DSCAML1: variants seen among roughly 807,000 people sequenced by gnomAD.
DSCAML1 encodes cell adhesion molecule DSCAML1.
A neutral mutation model predicts 200.5 loss-of-function variants in DSCAML1; 38 were observed. The observed-to-expected ratio is 0.19, with a 90% CI of 0.15 to 0.25. The LOEUF (loss-of-function observed/expected upper bound fraction) is 0.25. DSCAML1 is among the 10% of genes least tolerant of loss of function. The pLI is 1.00. For missense variants in DSCAML1, 2,223 were observed against 2,858.8 expected, an observed-to-expected ratio of 0.78 and a Z score of 5.07; for synonymous variants, 1,215 against 1,165.0, an observed-to-expected ratio of 1.04 and a Z score of -0.87.
chr11:117,428,702 T>A lies in DSCAML1; in HGVS notation c.5788A>T (p.Ile1930Phe). Residue 1930 changes from isoleucine to phenylalanine, a missense_variant, in exon 33 of 33, where the codon ATC becomes TTC. This residue lies in a region of DSCAML1 where 280 missense variants were observed against 213.4 expected (regional missense o/e 1.31). Transcript: ENST00000651296. ...CPVVPPREAS[I>F]RNLARTYHTQ... ...TGGTAGGTTCGAGCCAGGTTCCGGA[T>A]GGAGGCCTCACGGGGTGGGACCACG... 1 of 1,613,200 alleles carries A rather than the reference T, an allele frequency of 6.2e-7. No homozygotes were observed. The highest frequency in any genetic ancestry group is 1.1e-5 in the South Asian group (1 of 90,726).
intron 8 of DSCAML1, among the ~76,000 whole-genome samples, chr11:117,512,548 A>AAAAC (rs1423802387): frequency 6.6e-6 from 1 of 152,072 alleles, no homozygotes. Context: ...GTCCAGAGAG[A>AAAAC]AAACAGGTGA....
intron 3 of DSCAML1, among the ~76,000 whole-genome samples, chr11:117,756,885 G>C (rs1367963023): frequency 6.6e-6 from 1 of 152,166 alleles, no homozygotes. Flanking sequence ...TGGCTCCCTG[G>C]ATGAACTCAG....
At chr11:117,757,293 C>G (rs953019365) in intron 3 of DSCAML1, among the ~76,000 whole-genome samples, 3 of 152,130 alleles carry the variant, frequency 2.0e-5, no homozygotes, top group Non-Finnish European at 4.4e-5. Context: ...AGCCAGAAAT[C>G]ATCTCTAATC....
intron 3 of DSCAML1, among the ~76,000 whole-genome samples, chr11:117,759,063 G>T (rs1020450573): frequency 3.9e-5 from 6 of 152,120 alleles, no homozygotes. Flanking sequence ...GATACTTCTA[G>T]ACCTTAGAGG....
intron 3 of DSCAML1, among the ~76,000 whole-genome samples, chr11:117,699,135 GC>G (rs1220686403): frequency 1.3e-5 from 2 of 152,142 alleles, no homozygotes; most frequent in African/African-American, 4.8e-5. Context: ...AGAGAGGCTG[GC>G]CCTGGTGACA....
At chr11:117,812,611 T>A (rs1278688269) in intron 1 of DSCAML1, among the ~76,000 whole-genome samples, 7 of 151,924 alleles carry the variant, frequency 4.6e-5, no homozygotes, top group Non-Finnish European at 1.0e-4. Context: ...GCTCAGCAAA[T>A]TACCTGGGCT....
At chr11:117,593,124 GTGAGGGGCATA>G (rs1245225272) in intron 3 of DSCAML1, among the ~76,000 whole-genome samples, 4 of 152,218 alleles carry the variant, frequency 2.6e-5, no homozygotes, top group African/African-American at 9.7e-5. Flanking sequence ...AAAGGGGGCA[GTGAGGGGCATA>G]GGCCCAGCTC....
intron 3 of DSCAML1, among the ~76,000 whole-genome samples, chr11:117,684,444 A>C (rs1256377957): frequency 2.7e-5 from 4 of 148,942 alleles, no homozygotes; most frequent in Non-Finnish European, 4.5e-5. Context: ...CTAAAAAAAA[A>C]AAAAAAAAAA....
Position 117,712,840 on chromosome 11 carries a change from T to C in DSCAML1, c.511+63951A>G, listed in dbSNP as rs151229013. On this transcript the variant is annotated intron_variant, in intron 3 of 32. Transcript: ENST00000651296. ...CTTCCGCTCCTCCTTGGGTACCTTA[T>C]GTCTTCCCCCCGCCTCTCTCCCCAC... Among the ~76,000 whole-genome samples the C allele has an allele frequency of 1.2e-3, 176 of 152,192 alleles. 5 individuals carry two copies. The East Asian group carries it at 0.024, about 21-fold the overall frequency.
chr11:117,438,893 G>A lies in DSCAML1; in HGVS notation c.4235C>T (p.Ser1412Phe), dbSNP rs368420277. The stretch of plus-strand genomic sequence containing the variant: ...TCCAGACCCCTCCTCACCTCGGATG[G>A]AGCTGCCCCCATTGTCACCTGGAAT... ...TWIPGDNGGS[S>F]IRGFVLQYSV... Residue 1412 changes from serine (S) to phenylalanine (F), a missense_variant, in exon 24 of 33, where the codon TCC (serine) becomes TTC (phenylalanine). This residue lies in a region of DSCAML1 where 614 missense variants were observed against 739.1 expected (regional missense o/e 0.83). Transcript: ENST00000651296. 2.0e-5 allele frequency: 32 copies of A among 1,600,650 alleles called. No individual in the cohort carries two copies. Among genetic ancestry groups the A allele is most frequent in the Non-Finnish European group, 2.6e-5 (31 of 1,175,188 alleles).
intron 3 of DSCAML1, among the ~76,000 whole-genome samples, chr11:117,710,694 T>C (rs1027230276): frequency 1.3e-5 from 2 of 152,246 alleles, no homozygotes; most frequent in African/African-American, 4.8e-5. Context: ...AAATGAGCTA[T>C]GTAAAGCACT....
Position 117,437,249 on chromosome 11 carries a change from G to A in DSCAML1, c.4593C>T (p.Asn1531=), listed in dbSNP as rs777963250. Residue 1531 remains asparagine, a synonymous_variant, in exon 26 of 33, where the codon AAC becomes AAT. Coordinates refer to ENST00000651296, the MANE Select transcript of DSCAML1 (RefSeq NM_020693.4). This position sits in a 1 kb window ranked among gnomAD's most constrained non-coding sequence, Gnocchi z 5.3. ...CCGTCAGAAACACCTCCCCGGAGCT[G>A]TTGGCCCGGAGGCCCTGCCAGGCCC... is the stretch of plus-strand genomic sequence containing the variant. The part of the protein sequence containing the change: ...GTWAWQGLRA[N]SSGEVFLTEL... 4.3e-6 allele frequency: 7 copies of A among 1,614,234 alleles called. No homozygotes were observed. The South Asian group carries it at 4.4e-5, about 10-fold the overall frequency.
chr11:117,563,562 C>T (rs2050702517), intron 3 of DSCAML1, among the ~76,000 whole-genome samples: 2 of 152,182 alleles, frequency 1.3e-5, no homozygotes, highest in Admixed American at 6.5e-5. Flanking sequence ...TGTCATTAGG[C>T]CTTGTTCCCC....
chr11:117,809,165 C>T (rs1246113283), intron 1 of DSCAML1, among the ~76,000 whole-genome samples: 1 of 152,246 alleles, frequency 6.6e-6, no homozygotes, highest in Non-Finnish European at 1.5e-5. Flanking sequence ...GAGGCGACCT[C>T]AGGAGTTTGC....
rs747142865 is a variant in DSCAML1 at position 117,438,981 on chromosome 11, G to C, written c.4147C>G (p.Pro1383Ala). 1.9e-6 allele frequency: 3 copies of C among 1,601,564 alleles called. No individual in the cohort carries two copies. In the South Asian group the frequency reaches 3.4e-5, roughly 18 times the overall value. Residue 1383 changes from proline (P) to alanine (A), a missense_variant and splice_region_variant, in exon 24 of 33, where the codon CCC becomes GCC. Pro to Ala is a conservative substitution (Grantham distance 27, BLOSUM62 -1). Around this residue, in one of 7 missense-constraint regions of DSCAML1, gnomAD observed 614 missense variants for 739.1 expected, o/e 0.83. Transcript: ENST00000651296. ...TIIVNLLVQVPPDQPRLTVSK... is the reference protein window; with the variant it reads ...TIIVNLLVQVAPDQPRLTVSK... ...ACAGTGAGGCGGGGCTGGTCCGGGG[G>C]AACTGTGAGGGGAAAGCCACCACCC...
rs776462433 is a variant in DSCAML1 at position 117,480,543 on chromosome 11, G to T, written c.2685C>A (p.Ile895=). ...QEPPDPPELE[I]REVKARSMNL... ...TCATGCTCCGGGCCTTCACCTCCCG[G>T]ATCTCCAGCTCTGGGGGGTCGGGGG... Residue 895 remains isoleucine (I), a synonymous_variant, in exon 14 of 33, where the codon ATC becomes ATA. Transcript: ENST00000651296. The surrounding 1 kb of genome is among the most constrained non-coding windows in gnomAD (Gnocchi z 4.1). 6.3e-7 allele frequency: 1 copy of T among 1,577,608 alleles called. No homozygotes were observed. The highest frequency in any genetic ancestry group is 1.2e-5 in the South Asian group (1 of 86,268).
chr11:117,618,399 CCTTTGGAGAATAAGT>C (rs2051855985), intron 3 of DSCAML1, among the ~76,000 whole-genome samples: 1 of 152,112 alleles, frequency 6.6e-6, no homozygotes, highest in Non-Finnish European at 1.5e-5. Flanking sequence ...CTGGTTCTAC[CCTTTGGAGAATAAGT>C]GAATTCCTTC....
At chr11:117,732,607 G>A (rs1255935880) in intron 3 of DSCAML1, among the ~76,000 whole-genome samples, 1 of 152,124 alleles carries the variant, frequency 6.6e-6, no homozygotes, top group Non-Finnish European at 1.5e-5. Context: ...ACACATGCAG[G>A]CCAGCTCTGG....
chr11:117,805,846 C>T (rs2055703530), intron 1 of DSCAML1, among the ~76,000 whole-genome samples: 1 of 152,184 alleles, frequency 6.6e-6, no homozygotes, highest in Non-Finnish European at 1.5e-5. Context: ...TAAAGAGCAA[C>T]ACAGGGAAGC....
Sources: gnomAD v4.1 joint callset for allele counts (sites outside exome capture counted in the v4.1 genomes callset) on GRCh38, gnomAD v4.1.1 for gene constraint, gnomAD v4.1.1 regional missense constraint, Gnocchi (gnomAD v3.1) non-coding constraint, MANE v1.5 for transcripts, NCBI Gene and HGNC (gene_info 2026-07-23, HGNC 2026-07-21) for gene names.